Variants in PDE8A observed in about 807,000 individuals in gnomAD.
PDE8A encodes the protein high affinity cAMP-specific and IBMX-insensitive 3',5'-cyclic phosphodiesterase 8A.
Under a neutral mutation model 105.0 loss-of-function variants are expected in PDE8A, and 59 were observed. That is an observed-to-expected ratio of 0.56 (90% CI 0.46 to 0.70). The LOEUF is 0.70. Among genes scored for constraint, PDE8A ranks in the 30% least tolerant of loss-of-function variants. The pLI is 0.00. For missense variants in PDE8A, 1,014 were observed against 1,045.9 expected (o/e 0.97, Z 0.42); for synonymous variants, 355 against 371.9 (o/e 0.95, Z 0.52).
At chr15:85,058,187 C>T (rs906406712) in intron 1 of PDE8A, among the ~76,000 whole-genome samples, 3 of 152,124 alleles carry the variant, frequency 2.0e-5, no homozygotes, top group African/African-American at 7.2e-5. Flanking sequence ...CTCAAATGAT[C>T]CTCTTCCCTT....
rs192337795 is a variant in PDE8A at position 85,046,559 on chromosome 15, A to G, written c.187-17811A>G. On this transcript the variant is annotated intron_variant, in intron 1 of 21. Transcript: ENST00000394553. The stretch of plus-strand genomic sequence containing the variant: ...CTAGACACTGTTTTGGGTGTTGGGA[A>G]TATAGTAATGAATAAAGCAGGTAAA... 3.1e-3 allele frequency among the ~76,000 whole-genome samples: 469 copies of G among 152,338 alleles called. 2 individuals carry two copies. The highest frequency in any genetic ancestry group is 0.011 in the African/African-American group (439 of 41,584).
At chr15:85,075,988 A>G in intron 4 of PDE8A, 70 bp downstream of exon 4, 2 of 805,218 alleles carry the variant, frequency 2.5e-6, no homozygotes, top group South Asian at 1.6e-5. Flanking sequence ...AGATGGCCAA[A>G]TAACAGCTTG....
chr15:85,043,233 A>G (rs771761331), intron 1 of PDE8A, among the ~76,000 whole-genome samples: 7 of 152,208 alleles, frequency 4.6e-5, no homozygotes, highest in Non-Finnish European at 5.9e-5. Flanking sequence ...TGCCTGCTGA[A>G]TTCAGTTTTT....
intron 17 of PDE8A, among the ~76,000 whole-genome samples, chr15:85,118,044 C>T (rs2082123670): frequency 6.6e-6 from 1 of 152,188 alleles, no homozygotes; most frequent in African/African-American, 2.4e-5. Flanking sequence ...CCAGCTATTC[C>T]ATGAGGGTAC....
At chr15:85,123,487 G>A (rs1212975433) in intron 19 of PDE8A, among the ~76,000 whole-genome samples, 1 of 152,122 alleles carries the variant, frequency 6.6e-6, no homozygotes. Flanking sequence ...TCCCAAAACT[G>A]GAGAACTTGG....
intron 20 of PDE8A, among the ~76,000 whole-genome samples, chr15:85,134,474 TAGAC>T (rs763341761): frequency 2.5e-4 from 38 of 152,110 alleles, no homozygotes; most frequent in Non-Finnish European, 4.7e-4. Context: ...CTGCTTTTCT[TAGAC>T]AGCAGTGGGG....
intron 21 of PDE8A, among the ~76,000 whole-genome samples, 154 bp from the exon 22 acceptor site, chr15:85,137,643 G>T (rs1338746328): frequency 6.6e-6 from 1 of 152,208 alleles, no homozygotes. Context: ...AGTCAGCCAC[G>T]GCTCGTTGAA....
At chr15:85,052,777 T>C (rs2080997872) in intron 1 of PDE8A, among the ~76,000 whole-genome samples, 1 of 152,182 alleles carries the variant, frequency 6.6e-6, no homozygotes. Flanking sequence ...GTAGGTTGCC[T>C]GTTCACTCTG....
chr15:85,129,814 G>T (rs1212596800), intron 20 of PDE8A, among the ~76,000 whole-genome samples: 4 of 152,286 alleles, frequency 2.6e-5, no homozygotes, highest in Middle Eastern at 3.4e-3. Flanking sequence ...ATTTACAGCT[G>T]TTAATTTCCC....
At chr15:84,986,028 C>T (rs1021095118) in intron 1 of PDE8A, among the ~76,000 whole-genome samples, 4 of 152,010 alleles carry the variant, frequency 2.6e-5, no homozygotes, top group Admixed American at 2.6e-4. Flanking sequence ...AGTTTGAGAC[C>T]AGCCTGGACA....
At chr15:85,060,920 A>C (rs1219186288) in intron 1 of PDE8A, among the ~76,000 whole-genome samples, 1 of 152,198 alleles carries the variant, frequency 6.6e-6, no homozygotes, top group Non-Finnish European at 1.5e-5. Context: ...GTTACTGTCT[A>C]GTGTCCTTTT....
intron 13 of PDE8A, among the ~76,000 whole-genome samples, 178 bp downstream of exon 13, chr15:85,113,625 T>G (rs2082051291): frequency 6.6e-6 from 1 of 152,200 alleles, no homozygotes; most frequent in Non-Finnish European, 1.5e-5. Context: ...TAACTAGTCT[T>G]AAGTTAGTAT....
intron 1 of PDE8A, among the ~76,000 whole-genome samples, chr15:85,048,466 T>A (rs544430170): frequency 1.3e-5 from 2 of 152,316 alleles, no homozygotes; most frequent in South Asian, 4.1e-4. Context: ...CCTGCTTTAT[T>A]GTGGCAGTAG....
At chr15:85,134,803 G>C (rs1055868316) in intron 20 of PDE8A, among the ~76,000 whole-genome samples, 1 of 152,132 alleles carries the variant, frequency 6.6e-6, no homozygotes, top group African/African-American at 2.4e-5. Context: ...GTGAGTTGTT[G>C]TGCACAGGGC....
At chr15:85,098,169 G>C in intron 9 of PDE8A, 133 bp downstream of exon 9, 1 of 662,220 alleles carries the variant, frequency 1.5e-6, no homozygotes, top group East Asian at 2.8e-5. Context: ...TGGCCTTCCA[G>C]CATAGTGTTT....
intron 5 of PDE8A, among the ~76,000 whole-genome samples, chr15:85,080,123 C>G (rs540073042): frequency 6.6e-6 from 1 of 152,218 alleles, no homozygotes; most frequent in East Asian, 1.9e-4. Flanking sequence ...ATATTAATAT[C>G]AGATGAGGTG....
chr15:85,056,783 T>C lies in PDE8A; in HGVS notation c.187-7587T>C, dbSNP rs189030675. Among the ~76,000 whole-genome samples the C allele has an allele frequency of 3.9e-4, 60 of 152,282 alleles. 2 individuals carry two copies. The South Asian group carries it at 0.012, about 29-fold the overall frequency. On this transcript the variant is annotated intron_variant, in intron 1 of 21. Transcript: ENST00000394553. ...CCTCCTTTAGCTCGGAGAAGTTCGT[T>C]ATTACCGATTGTCTGAAGCCTTCTT...
chr15:85,006,451 G>C (rs1196449625), intron 1 of PDE8A, among the ~76,000 whole-genome samples: 1 of 151,914 alleles, frequency 6.6e-6, no homozygotes, highest in East Asian at 1.9e-4. Flanking sequence ...GTTTGATTTG[G>C]GAATTAACAT....
chr15:85,134,499 C>T (rs918598777), intron 20 of PDE8A, among the ~76,000 whole-genome samples: 1 of 151,864 alleles, frequency 6.6e-6, no homozygotes, highest in African/African-American at 2.4e-5. Flanking sequence ...CTGCCAACAG[C>T]AGGGCCTTCA....
Sources: allele counts gnomAD v4.1 joint callset (sites outside exome capture counted in the v4.1 genomes callset), GRCh38; gene constraint gnomAD v4.1.1; transcripts MANE v1.5; gene names NCBI Gene and HGNC (gene_info 2026-07-23, HGNC 2026-07-21).